Variants in LAIR1 observed in about 807,000 individuals in gnomAD.
LAIR1 encodes the protein leukocyte-associated immunoglobulin-like receptor 1.
Under a neutral mutation model 32.8 loss-of-function variants are expected in LAIR1, and 24 were observed. That is an observed-to-expected ratio of 0.73 (90% CI 0.53 to 1.03). The LOEUF (loss-of-function observed/expected upper bound fraction) is 1.03. Among genes scored for constraint, LAIR1 ranks in the 50% least tolerant of loss-of-function variants. The pLI, the probability that LAIR1 is intolerant of heterozygous loss-of-function variation, is 0.00. For missense variants in LAIR1, 355 were observed against 347.5 expected (o/e 1.02, Z -0.17); for synonymous variants, 150 against 140.5 (o/e 1.07, Z -0.48).
chr19:54,368,800 G>A (rs1220739033), upstream of LAIR1: 2 of 152,032 alleles, frequency 1.3e-5, no homozygotes, highest in African/African-American at 4.8e-5. Context: ...CGATTCTCCT[G>A]TCTCGGCCTC....
upstream of LAIR1, among the ~76,000 whole-genome samples, chr19:54,367,469 T>C (rs945527876): frequency 6.6e-6 from 1 of 152,116 alleles, no homozygotes; most frequent in African/African-American, 2.4e-5. Flanking sequence ...TTAGGCCGGG[T>C]GCAATGGCTC....
At chr19:54,356,803 C>A in intron 5 of LAIR1, 125 bp downstream of exon 5, 1 of 1,314,244 alleles carries the variant, frequency 7.6e-7, no homozygotes, top group Non-Finnish European at 1.1e-6. Flanking sequence ...GTGCTGGAGT[C>A]CTCTGCACAG....
In LAIR1 at chr19:54,353,433, T is replaced by C. The variant is rs1428468441; in HGVS notation, c.*1835A>G. 7.9e-5 allele frequency: 12 copies of C among 152,100 alleles called. No individual in the cohort carries two copies. 9.4% of individuals were successfully genotyped at this position (152,100 alleles called of 1,614,324 possible). A position where few individuals can be genotyped will look rare whatever the true frequency, so the allele number is the denominator to read the frequency against. On this transcript the variant is annotated 3_prime_UTR_variant, in exon 10 of 10. Transcript: ENST00000391742. Reference sequence around the variant, plus strand: ...GTAGGCCAGTCAGGTACCACCCTCTTTGAACCAGCACAGAAACCTCCCAGC... The same window carrying C: ...GTAGGCCAGTCAGGTACCACCCTCTCTGAACCAGCACAGAAACCTCCCAGC...
upstream of LAIR1, among the ~76,000 whole-genome samples, chr19:54,372,783 C>T (rs1242458307): frequency 6.6e-6 from 1 of 151,298 alleles, no homozygotes; most frequent in Non-Finnish European, 1.5e-5. Flanking sequence ...CCACTGAGCC[C>T]GGCCTCCTTA....
Position 54,358,351 on chromosome 19 carries a change from A to G in LAIR1, c.416-1385T>C, listed in dbSNP as rs971832551. 2.0e-4 allele frequency: 36 copies of G among 181,544 alleles called. 1 individual carries two copies. Among genetic ancestry groups the G allele is most frequent in the African/African-American group, 9.2e-4 (36 of 39,324 alleles). The allele number at this position is 181,544 out of a possible 1,614,324, so 11.2% of individuals were successfully genotyped here. Reference sequence around the variant, plus strand: ...TAGTCATATGTAGTGATACACTAACATGTTTTATTATATAATTATCTTCCT... The same window carrying G: ...TAGTCATATGTAGTGATACACTAACGTGTTTTATTATATAATTATCTTCCT... On this transcript the variant is annotated intron_variant, in intron 4 of 9. Coordinates refer to ENST00000391742, the MANE Select transcript of LAIR1 (RefSeq NM_002287.6).
chr19:54,365,065 A>G (rs183454354), upstream of LAIR1: 7 of 1,378,588 alleles, frequency 5.1e-6, no homozygotes, highest in African/African-American at 1.5e-5. Context: ...ACCGTAAACT[A>G]GTTACCAGAT....
At chr19:54,366,053 G>A (rs1245168998), upstream of LAIR1, among the ~76,000 whole-genome samples, 1 of 152,126 alleles carries the variant, frequency 6.6e-6, no homozygotes, top group Non-Finnish European at 1.5e-5. Flanking sequence ...TCACTTACAG[G>A]AGATCTGCAA....
intron 5 of LAIR1, 107 bp downstream of exon 5, chr19:54,356,821 G>A: frequency 7.1e-7 from 1 of 1,414,550 alleles, no homozygotes; most frequent in Non-Finnish European, 9.8e-7. Flanking sequence ...CAGGGACACA[G>A]ACTGCCATTG....
At chr19:54,375,298 G>A (rs1429930401), upstream of LAIR1, among the ~76,000 whole-genome samples, 1 of 152,160 alleles carries the variant, frequency 6.6e-6, no homozygotes, top group African/African-American at 2.4e-5. Flanking sequence ...ACTGGTCAAG[G>A]GAAAGTCCAG....
chr19:54,358,488 T>C (rs1322346826), intron 4 of LAIR1: 9 of 1,518,956 alleles, frequency 5.9e-6, no homozygotes, highest in South Asian at 1.1e-5. Flanking sequence ...TTTTTATCTG[T>C]ATATGCATGT....
At chr19:54,373,661 G>A (rs2082457368), upstream of LAIR1, among the ~76,000 whole-genome samples, 2 of 152,120 alleles carry the variant, frequency 1.3e-5, no homozygotes, top group African/African-American at 2.4e-5. Flanking sequence ...CAAGAGTGGT[G>A]GTGCACACCT....
chr19:54,373,250 G>A (rs774607629), upstream of LAIR1, among the ~76,000 whole-genome samples: 219 of 151,424 alleles, frequency 1.4e-3, 6 homozygotes, highest in African/African-American at 8.1e-4. Context: ...AGACCATCCT[G>A]GCCAACACGG....
At chr19:54,371,633 A>G (rs1462975795), upstream of LAIR1, among the ~76,000 whole-genome samples, 4 of 151,586 alleles carry the variant, frequency 2.6e-5, no homozygotes, top group Non-Finnish European at 5.9e-5. Flanking sequence ...ATAGTTTTCA[A>G]AACAATGTTT....
At chr19:54,365,323 C>T (rs2082218493), upstream of LAIR1, among the ~76,000 whole-genome samples, 1 of 137,830 alleles carries the variant, frequency 7.3e-6, no homozygotes, top group Non-Finnish European at 1.6e-5. Context: ...TCCTACAAAG[C>T]ATATTATTTT....
At chr19:54,375,992 A>G in the LAIR1 span, among the ~76,000 whole-genome samples, 1 of 151,772 alleles carries the variant, frequency 6.6e-6, no homozygotes, top group African/African-American at 2.4e-5. Flanking sequence ...CTCCTCCATC[A>G]GGTGACTCAG....
At chr19:54,357,114 C>A in intron 4 of LAIR1, 148 bp from the exon 5 acceptor site, 1 of 640,754 alleles carries the variant, frequency 1.6e-6, no homozygotes, top group South Asian at 2.0e-5. Flanking sequence ...CCAGCAGAGT[C>A]TTCTGTGATG....
chr19:54,367,029 C>T (rs2082279119), upstream of LAIR1, among the ~76,000 whole-genome samples: 1 of 152,148 alleles, frequency 6.6e-6, no homozygotes. Context: ...ATTTGCATAA[C>T]TAAGAGGGAG....
Position 54,355,103 on chromosome 19 carries a change from A to T in LAIR1, c.*165T>A. On this transcript the variant is annotated 3_prime_UTR_variant, in exon 10 of 10. Transcript: ENST00000391742. The surrounding 1 kb of genome is among the most constrained non-coding windows in gnomAD (Gnocchi z 4.7). ...ACCACCTGGCTAACGAACCTTCTGG[A>T]TGCTGGTTAGAAACCTCCAGTCTCC... The T allele has an allele frequency of 3.1e-6, 2 of 637,846 alleles. No individual in the cohort carries two copies. Among genetic ancestry groups the T allele is most frequent in the South Asian group, 4.3e-5 (2 of 46,850 alleles). The allele number at this position is 637,846 out of a possible 1,614,324, so 39.5% of individuals were successfully genotyped here. A position where few individuals can be genotyped will look rare whatever the true frequency, so the allele number is the denominator to read the frequency against.
chr19:54,373,240 A>T (rs1362243054), upstream of LAIR1, among the ~76,000 whole-genome samples: 1 of 151,332 alleles, frequency 6.6e-6, no homozygotes, highest in Admixed American at 6.6e-5. Flanking sequence ...CAGGTGATCG[A>T]GACCATCCTG....
Sources: allele counts gnomAD v4.1 joint callset (sites outside exome capture counted in the v4.1 genomes callset), GRCh38; gene constraint gnomAD v4.1.1; non-coding constraint Gnocchi (gnomAD v3.1); transcripts MANE v1.5; gene names NCBI Gene and HGNC (gene_info 2026-07-23, HGNC 2026-07-21).